The following SLC30A5 variants were observed in gnomAD, a reference collection of about 807,000 sequenced individuals.
SLC30A5 encodes proton-coupled zinc antiporter SLC30A5.
Under a neutral mutation model 79.6 loss-of-function variants are expected in SLC30A5, and 33 were observed. The ratio of observed to expected loss-of-function variants is 0.41; its 90% CI spans 0.31 to 0.55. The LOEUF is 0.55. SLC30A5 is among the 20% of genes least tolerant of loss of function. The probability of loss-of-function intolerance (pLI) is 0.20; values close to 1 mark genes in which losing one functional copy is unlikely to be tolerated. For synonymous variants in SLC30A5, 299 were observed against 319.7 expected (o/e 0.94, Z 0.69); for missense variants, 788 against 928.1 (o/e 0.85, Z 1.96).
intron 3 of SLC30A5, 39 bp from the exon 4 acceptor site, chr5:69,104,592 T>G: frequency 6.7e-7 from 1 of 1,489,354 alleles, no homozygotes; most frequent in Non-Finnish European, 9.0e-7. Context: ...GCAAAATATA[T>G]GTGACTGAAA....
At chr5:69,101,382 G>A (rs1183267784) in intron 2 of SLC30A5, among the ~76,000 whole-genome samples, 4 of 151,464 alleles carry the variant, frequency 2.6e-5, no homozygotes, top group Non-Finnish European at 4.4e-5. Flanking sequence ...ATGTTCAAGC[G>A]ATTCTCCTGC....
rs373398426 is a variant in SLC30A5, at chr5:69,117,307, C to T, written c.1350C>T (p.Phe450=). The change falls in exon 11 of 16, where the codon TTC becomes TTT. Residue 450 remains phenylalanine, a synonymous_variant. Coordinates refer to ENST00000396591, the MANE Select transcript of SLC30A5 (RefSeq NM_022902.5). ...GTCTGGGCCTGATCTCGGATGGATT[C>T]CACATGCTTTTTGACTGCTCTGCTT... ...TNSLGLISDG[F]HMLFDCSALV... is the part of the protein sequence containing the mutation. 1.8e-5 allele frequency: 29 copies of T among 1,613,594 alleles called. No homozygotes were observed. The highest frequency in any genetic ancestry group is 1.7e-6 in the Non-Finnish European group (2 of 1,179,884).
At position 69,103,095 on chromosome 5, in the gene SLC30A5, A is replaced by T; in HGVS notation, c.240A>T (p.Pro80=). The change falls in exon 3 of 16, where the codon CCA becomes CCT. Residue 80 remains proline, a synonymous_variant. Transcript: ENST00000396591. ...TAFFMVLFQK[P]FSSGKTITKH... ...TTTTTATGGTTTTGTTTCAAAAGCC[A>T]TTTTCTTCTGGGAAAACTATTACCA... 6.3e-7 allele frequency: 1 copy of T among 1,591,096 alleles called. No individual in the cohort carries two copies. The highest frequency in any genetic ancestry group is 8.6e-7 in the Non-Finnish European group (1 of 1,162,602).
Position 69,126,571 on chromosome 5 carries a change from G to T in SLC30A5, c.1999-1433G>T, listed in dbSNP as rs184446408. ...AGGTCAGGAGTTTGAGACCAGCCTG[G>T]TCAATATGGTGAAACCCCATCTCTA... On this transcript the variant is annotated intron_variant, in intron 14 of 15. Coordinates refer to ENST00000396591, the MANE Select transcript of SLC30A5 (RefSeq NM_022902.5). 6.6e-4 allele frequency among the ~76,000 whole-genome samples: 100 copies of T among 152,230 alleles called. No homozygotes were observed. The East Asian group carries it at 0.016, about 25-fold the overall frequency.
chr5:69,095,979 G>A (rs1366350336), intron 1 of SLC30A5, among the ~76,000 whole-genome samples: 1 of 152,000 alleles, frequency 6.6e-6, no homozygotes, highest in Non-Finnish European at 1.5e-5. Flanking sequence ...TGAGGCAGGA[G>A]AATGGCTTGA....
intron 3 of SLC30A5, chr5:69,103,907 T>C: frequency 7.6e-7 from 1 of 1,321,800 alleles, no homozygotes; most frequent in Non-Finnish European, 1.0e-6. Context: ...AAGAACATTT[T>C]TTAAAATATG....
Position 69,094,330 on chromosome 5 carries a change from C to T in SLC30A5, c.75C>T (p.Pro25=), listed in dbSNP as rs1745654758. The T allele has an allele frequency of 8.8e-6, 11 of 1,252,076 alleles. No homozygotes were observed. The highest frequency in any genetic ancestry group is 1.1e-5 in the Non-Finnish European group (11 of 990,966). The allele number at this position is 1,252,076 out of a possible 1,614,324, so 77.6% of individuals were successfully genotyped here. ...GCGGCCTTGGGCCGGTGGACGTACC[C>T]AGCGCTCGGTAAGGGACCGATCCGG... is the stretch of plus-strand genomic sequence containing the variant. ...GGGGLGPVDV[P]SARLTKYIVL... is the part of the protein sequence containing the mutation. Residue 25 remains proline, a synonymous_variant, in exon 1 of 16, where the codon CCC becomes CCT. Transcript: ENST00000396591.
chr5:69,100,413 T>C (rs1435193190), intron 1 of SLC30A5, among the ~76,000 whole-genome samples: 1 of 152,130 alleles, frequency 6.6e-6, no homozygotes, highest in Admixed American at 6.5e-5. Flanking sequence ...ATTCTTTGTA[T>C]TTTTTGTAGA....
At chr5:69,110,163 A>G (rs1174449781) in intron 5 of SLC30A5, among the ~76,000 whole-genome samples, 2 of 152,152 alleles carry the variant, frequency 1.3e-5, no homozygotes, top group Non-Finnish European at 2.9e-5. Flanking sequence ...TAGGCTTCTG[A>G]TAAGAGAATC....
chr5:69,117,312 T>C lies in SLC30A5; in HGVS notation c.1355T>C (p.Met452Thr). The change falls in exon 11 of 16, where the codon ATG becomes ACG. Residue 452 changes from methionine (M) to threonine (T), a missense_variant. By Grantham distance (81) the Met-to-Thr change is moderately conservative (BLOSUM62 -1). Transcript: ENST00000396591. ...SLGLISDGFHMLFDCSALVMG... is the reference protein window; with the variant it reads ...SLGLISDGFHTLFDCSALVMG... ...GGCCTGATCTCGGATGGATTCCACATGCTTTTTGACTGCTCTGCTTTAGTC... is the reference window on the plus strand; with the variant it reads ...GGCCTGATCTCGGATGGATTCCACACGCTTTTTGACTGCTCTGCTTTAGTC... 6.2e-7 allele frequency: 1 copy of C among 1,614,046 alleles called. No individual in the cohort carries two copies. The highest frequency in any genetic ancestry group is 2.2e-5 in the East Asian group (1 of 44,880).
At chr5:69,102,336 G>T (rs773012127) in intron 2 of SLC30A5, among the ~76,000 whole-genome samples, 11 of 151,914 alleles carry the variant, frequency 7.2e-5, no homozygotes, top group Non-Finnish European at 1.3e-4. Flanking sequence ...TTACAAGCTT[G>T]AGCCACTGTG....
At position 69,119,141 on chromosome 5, in the gene SLC30A5, C is replaced by T. The variant is rs1048769148; in HGVS notation, c.1569+513C>T. On this transcript the variant is annotated intron_variant, in intron 12 of 15. Coordinates refer to ENST00000396591, the MANE Select transcript of SLC30A5 (RefSeq NM_022902.5). ...TAATGTTCTCCCTGTACCACCAAAG[C>T]TTTACATGTGCTGTTTCTTGTAGTT... 4.6e-5 allele frequency among the ~76,000 whole-genome samples: 7 copies of T among 152,250 alleles called. No homozygotes were observed. The South Asian group carries it at 1.4e-3, about 32-fold the overall frequency.
In SLC30A5 at chr5:69,094,034, C is replaced by G. The variant is rs1007166876; in HGVS notation, c.-222C>G. On this transcript the variant is annotated 5_prime_UTR_variant, in exon 1 of 16. Transcript: ENST00000396591. ...GCAACGTCCCTACCGCCGCTGCTTC[C>G]CGGGAACCTGGCGCCGCCGGAACTG... 2.6e-5 allele frequency: 10 copies of G among 391,848 alleles called. No individual in the cohort carries two copies. Among genetic ancestry groups the G allele is most frequent in the African/African-American group, 2.1e-4 (10 of 48,430 alleles). The allele number at this position is 391,848 out of a possible 1,614,324, so 24.3% of individuals were successfully genotyped here.
intron 12 of SLC30A5, among the ~76,000 whole-genome samples, chr5:69,121,426 A>G (rs1746529915): frequency 6.6e-6 from 1 of 152,122 alleles, no homozygotes. Flanking sequence ...TAAACCATAA[A>G]CCAAGTACAT....
At chr5:69,112,255 C>A (rs542124230) in intron 5 of SLC30A5, among the ~76,000 whole-genome samples, 1 of 152,014 alleles carries the variant, frequency 6.6e-6, no homozygotes, top group African/African-American at 2.4e-5. Context: ...CGAGATCGTG[C>A]CATTGCACTC....
rs761770037 is a variant in SLC30A5, at chr5:69,117,374, GC to G, written c.1419del (p.Thr474LeufsTer11). The G allele has an allele frequency of 6.2e-7, 1 of 1,613,960 alleles. No homozygotes were observed. Among genetic ancestry groups the G allele is most frequent in the Non-Finnish European group, 8.5e-7 (1 of 1,179,970 alleles). On this transcript the variant is annotated frameshift_variant, in exon 11 of 16. Coordinates refer to ENST00000396591, the MANE Select transcript of SLC30A5 (RefSeq NM_022902.5). LOFTEE classifies it high-confidence loss of function. ...TGCTGCCCTGATGAGTAGGTGGAAA[GC>G]CACTCGGATTTTCTCCTATGGGTAG... Reference protein sequence around the residue: ...LFAALMSRWKATRIFSYGYGR... With the variant: ...LFAALMSRWKXTRIFSYGYGR...
chr5:69,097,184 C>T (rs1561285185), intron 1 of SLC30A5, among the ~76,000 whole-genome samples: 1 of 134,806 alleles, frequency 7.4e-6, no homozygotes, highest in Non-Finnish European at 1.5e-5. Flanking sequence ...GGCGCGATCT[C>T]GGCTCACTGC....
chr5:69,105,952 C>G (rs1035417214), intron 4 of SLC30A5, among the ~76,000 whole-genome samples: 4 of 152,222 alleles, frequency 2.6e-5, no homozygotes, highest in South Asian at 2.1e-4. Flanking sequence ...AACATCCCCC[C>G]ACCACTGCTG....
rs769200153 is a variant in SLC30A5 at position 69,129,487 on chromosome 5, C to T, written c.2168C>T (p.Thr723Ile). 3 of 1,613,092 alleles carry T rather than the reference C, an allele frequency of 1.9e-6. No individual in the cohort carries two copies. Among genetic ancestry groups the T allele is most frequent in the Non-Finnish European group, 2.5e-6 (3 of 1,179,684 alleles). The change falls in exon 16 of 16, where the codon ACA becomes ATA. Residue 723 changes from threonine to isoleucine, a missense_variant. Coordinates refer to ENST00000396591, the MANE Select transcript of SLC30A5 (RefSeq NM_022902.5). ...ILKDAGVNNL[T>I]IQVEKEAYFQ... Reference sequence around the variant, plus strand: ...AAAGATGCTGGAGTAAACAATTTAACAATTCAAGTGGAAAAGGAGGCATAC... The same window carrying T: ...AAAGATGCTGGAGTAAACAATTTAATAATTCAAGTGGAAAAGGAGGCATAC...
Sources: gnomAD v4.1 joint callset for allele counts (sites outside exome capture counted in the v4.1 genomes callset) on GRCh38, gnomAD v4.1.1 for gene constraint, MANE v1.5 for transcripts, NCBI Gene and HGNC (gene_info 2026-07-23, HGNC 2026-07-21) for gene names.